Variants in ACSL3 observed in about 807,000 individuals in gnomAD.
ACSL3 encodes acyl-CoA synthetase long chain family member 3, also known as fatty acid CoA ligase Acsl3.
In ACSL3, 34 loss-of-function variants were observed where a neutral mutation model predicts 84.7. That is an observed-to-expected ratio of 0.40 (90% CI 0.31 to 0.53). The LOEUF is 0.53. Ranked by LOEUF, ACSL3 falls within the 20% of genes least tolerant of loss-of-function variation. The pLI, the probability that ACSL3 is intolerant of heterozygous loss-of-function variation, is 0.48. For missense variants in ACSL3, 680 were observed against 873.1 expected, an observed-to-expected ratio of 0.78 and a Z score of 2.79; for synonymous variants, 315 against 299.4, an observed-to-expected ratio of 1.05 and a Z score of -0.54.
intron 9 of ACSL3, 105 bp from the exon 10 acceptor site, chr2:222,922,973 G>A (rs10932978): frequency 0.8 from 1,061,307 of 1,332,288 alleles, 425,904 homozygotes; most frequent in East Asian, 0.98. Flanking sequence ...TTCTTAGACT[G>A]TAAGTACATT....
chr2:222,919,388 A>G, intron 7 of ACSL3, 186 bp downstream of exon 7: 2 of 468,216 alleles, frequency 4.3e-6, no homozygotes, highest in South Asian at 5.4e-5. Context: ...GGAAAAATAT[A>G]AACATTAATT....
chr2:222,871,912 C>T (rs919892340), intron 1 of ACSL3, among the ~76,000 whole-genome samples: 1 of 152,056 alleles, frequency 6.6e-6, no homozygotes, highest in African/African-American at 2.4e-5. Context: ...ATTATTTTTG[C>T]TTCTCTGCTT....
chr2:222,905,437 A>T (rs960549287), intron 3 of ACSL3, among the ~76,000 whole-genome samples: 1 of 152,266 alleles, frequency 6.6e-6, no homozygotes, highest in African/African-American at 2.4e-5. Flanking sequence ...CTGGGATTAC[A>T]GGCATGAGCC....
chr2:222,907,555 G>T (rs1215136801), intron 3 of ACSL3, among the ~76,000 whole-genome samples: 1 of 152,054 alleles, frequency 6.6e-6, no homozygotes, highest in African/African-American at 2.4e-5. Flanking sequence ...GAAGCCAGGA[G>T]TTTGAGACCA....
chr2:222,928,350 A>G (rs887452148), intron 12 of ACSL3, among the ~76,000 whole-genome samples: 4 of 152,226 alleles, frequency 2.6e-5, no homozygotes, highest in Non-Finnish European at 5.9e-5. Flanking sequence ...GGTGTTTTAT[A>G]CTGCACATCG....
At chr2:222,883,987 G>T (rs961389919) in intron 1 of ACSL3, among the ~76,000 whole-genome samples, 13 of 152,074 alleles carry the variant, frequency 8.5e-5, no homozygotes, top group African/African-American at 2.9e-4. Flanking sequence ...ATGCCTTTGA[G>T]AATATTACAT....
At chr2:222,876,080 C>T (rs754253777) in intron 1 of ACSL3, among the ~76,000 whole-genome samples, 8 of 152,080 alleles carry the variant, frequency 5.3e-5, no homozygotes, top group African/African-American at 9.7e-5. Context: ...TAGAGGACTG[C>T]AAGTAGATAT....
chr2:222,872,236 TG>T (rs1242715299), intron 1 of ACSL3, among the ~76,000 whole-genome samples: 1 of 152,186 alleles, frequency 6.6e-6, no homozygotes, highest in African/African-American at 2.4e-5. Flanking sequence ...GTGATTCTCC[TG>T]CCTCAGCCTC....
rs10623105 is a variant in ACSL3 at position 222,942,912 on chromosome 2, T to TAGTA, written c.*1261_*1262insAAGT. The TAGTA allele has an allele frequency of 0.83, 184,983 of 223,674 alleles. 77,108 individuals carry two copies. The highest frequency in any genetic ancestry group is 0.98 in the East Asian group (15,079 of 15,384). The allele number at this position is 223,674 out of a possible 1,614,324, so 13.9% of individuals were successfully genotyped here. On this transcript the variant is annotated 3_prime_UTR_variant, in exon 17 of 17. Coordinates refer to ENST00000357430, the MANE Select transcript of ACSL3 (RefSeq NM_004457.5). ...TCAGAAACCTTGCTTGTGTGATACA[T>TAGTA]AGTCTCTTCATTTATTACTGCTTGT... is the stretch of plus-strand genomic sequence containing the variant.
intron 2 of ACSL3, among the ~76,000 whole-genome samples, chr2:222,898,759 G>A (rs1033819450): frequency 6.6e-5 from 10 of 151,952 alleles, no homozygotes; most frequent in African/African-American, 2.4e-4. Context: ...CCCGGGAGGC[G>A]GAGCTTGCAG....
intron 3 of ACSL3, chr2:222,904,803 C>A: frequency 6.4e-6 from 1 of 155,176 alleles, no homozygotes; most frequent in South Asian, 2.0e-4. Flanking sequence ...TTGATGAAGT[C>A]AAGGAGTCTT....
At chr2:222,920,045 T>C (rs1696690683) in intron 7 of ACSL3, among the ~76,000 whole-genome samples, 1 of 152,050 alleles carries the variant, frequency 6.6e-6, no homozygotes, top group South Asian at 2.1e-4. Flanking sequence ...TCTAGTAGTA[T>C]GTGGTTCCTG....
At chr2:222,871,321 T>C (rs899991654) in intron 1 of ACSL3, among the ~76,000 whole-genome samples, 3 of 151,988 alleles carry the variant, frequency 2.0e-5, no homozygotes, top group African/African-American at 7.3e-5. Context: ...AAATGCGAAG[T>C]GGGATAGCTG....
chr2:222,927,277 A>C, intron 12 of ACSL3, 88 bp downstream of exon 12: 1 of 1,374,292 alleles, frequency 7.3e-7, no homozygotes, highest in South Asian at 1.4e-5. Context: ...ATAGGAGAAG[A>C]GTAGTAAGGT....
chr2:222,866,102 T>C (rs1194381673), intron 1 of ACSL3, among the ~76,000 whole-genome samples: 1 of 152,242 alleles, frequency 6.6e-6, no homozygotes, highest in Non-Finnish European at 1.5e-5. Flanking sequence ...TATAGTATAC[T>C]GTGGCCAAAT....
rs145698258 is a variant in ACSL3, at chr2:222,892,947, A to G, written c.-148+5059A>G. On this transcript the variant is annotated intron_variant, in intron 2 of 16. Coordinates refer to ENST00000357430, the MANE Select transcript of ACSL3 (RefSeq NM_004457.5). The stretch of plus-strand genomic sequence containing the variant: ...TTCCAGCCACATTTCATACTAGCAA[A>G]TACGGATTCCTTGATATCCAGCATT... Among the ~76,000 whole-genome samples, 73 of 152,308 alleles carry G rather than the reference A, an allele frequency of 4.8e-4. 1 individual carries two copies. The East Asian group carries it at 0.014, about 29-fold the overall frequency.
At chr2:222,902,583 C>T (rs1270730968) in intron 3 of ACSL3, among the ~76,000 whole-genome samples, 2 of 152,174 alleles carry the variant, frequency 1.3e-5, no homozygotes, top group East Asian at 3.8e-4. Flanking sequence ...ATTCTTGCTC[C>T]TTAGTTCAGC....
intron 1 of ACSL3, among the ~76,000 whole-genome samples, chr2:222,883,055 A>C (rs1398418942): frequency 6.6e-6 from 1 of 152,000 alleles, no homozygotes; most frequent in Non-Finnish European, 1.5e-5. Flanking sequence ...GGCATGAGCC[A>C]CCACACCTGG....
chr2:222,922,453 C>T (rs1696765038), intron 8 of ACSL3, among the ~76,000 whole-genome samples: 1 of 152,220 alleles, frequency 6.6e-6, no homozygotes, highest in Non-Finnish European at 1.5e-5. Flanking sequence ...GGACGGGAAA[C>T]AGCATTCCTT....
Sources: gnomAD v4.1 joint callset for allele counts (sites outside exome capture counted in the v4.1 genomes callset) on GRCh38, gnomAD v4.1.1 for gene constraint, MANE v1.5 for transcripts, NCBI Gene and HGNC (gene_info 2026-07-23, HGNC 2026-07-21) for gene names.